Variants in ZC3H12C observed in about 807,000 individuals in gnomAD.
ZC3H12C encodes zinc finger CCCH-type containing 12C.
In ZC3H12C, 20 loss-of-function variants were observed where a neutral mutation model predicts 76.3. The ratio of observed to expected loss-of-function variants is 0.26; its 90% CI spans 0.18 to 0.38. ZC3H12C has a LOEUF of 0.38. Ranked by LOEUF, ZC3H12C falls within the 10% of genes least tolerant of loss-of-function variation. ZC3H12C has a pLI of 1.00. For synonymous variants in ZC3H12C, 352 were observed against 399.6 expected, an observed-to-expected ratio of 0.88 and a Z score of 1.42; for missense variants, 874 against 1,086.5, an observed-to-expected ratio of 0.80 and a Z score of 2.75.
intron 3 of ZC3H12C, among the ~76,000 whole-genome samples, chr11:110,157,402 AT>A (rs1381007762): frequency 6.8e-6 from 1 of 147,058 alleles, no homozygotes; most frequent in African/African-American, 2.5e-5. Context: ...CCTGAGCCAC[AT>A]TTCTTCCACT....
In ZC3H12C at chr11:110,136,887, A is replaced by G; in HGVS notation, c.246A>G (p.Glu82=). The stretch of plus-strand genomic sequence containing the variant: ...GGAAGGATGAAAAAGAGGCGTCTGA[A>G]GAGAATGCAAGCTCTGGTGACTCTG... The part of the protein sequence containing the change: ...NVGKDEKEAS[E]ENASSGDSEE... Residue 82 remains glutamate, a synonymous_variant, in exon 2 of 6, where the codon GAA becomes GAG. Coordinates refer to ENST00000278590, the MANE Select transcript of ZC3H12C (RefSeq NM_033390.2). 1 of 1,613,870 alleles carries G rather than the reference A, an allele frequency of 6.2e-7. No individual in the cohort carries two copies. Among genetic ancestry groups the G allele is most frequent in the South Asian group, 1.1e-5 (1 of 91,042 alleles).
chr11:110,137,689 T>C (rs1158445329), intron 2 of ZC3H12C, among the ~76,000 whole-genome samples: 1 of 152,208 alleles, frequency 6.6e-6, no homozygotes, highest in Non-Finnish European at 1.5e-5. Flanking sequence ...AATTAGTGTG[T>C]GTTTCTGGTT....
chr11:110,133,976 A>G (rs1177200354), intron 1 of ZC3H12C, among the ~76,000 whole-genome samples: 2 of 152,206 alleles, frequency 1.3e-5, no homozygotes, highest in Non-Finnish European at 2.9e-5. Context: ...TTCATAAGGT[A>G]TTCATCTTGT....
chr11:110,159,560 C>G (rs934036174), intron 4 of ZC3H12C, 70 bp downstream of exon 4: 8 of 1,319,776 alleles, frequency 6.1e-6, no homozygotes, highest in African/African-American at 1.5e-5. Flanking sequence ...GCAGCTGCTA[C>G]AGAATTCTCT....
chr11:110,116,841 G>T (rs777716155), intron 1 of ZC3H12C, among the ~76,000 whole-genome samples: 1 of 152,128 alleles, frequency 6.6e-6, no homozygotes, highest in African/African-American at 2.4e-5. Flanking sequence ...AACTTGTGCA[G>T]GTTGCTTGGT....
At chr11:110,151,284 G>A (rs1194469953) in intron 2 of ZC3H12C, among the ~76,000 whole-genome samples, 1 of 152,148 alleles carries the variant, frequency 6.6e-6, no homozygotes, top group Non-Finnish European at 1.5e-5. Flanking sequence ...AAATGTGACA[G>A]TTATCCTTAC....
rs1377862126 is a variant in ZC3H12C, at chr11:110,118,023, ATATATAT to A, written c.22-18632_22-18626del. 1.2e-4 allele frequency among the ~76,000 whole-genome samples: 13 copies of A among 109,300 alleles called. 1 individual carries two copies. The highest frequency in any genetic ancestry group is 3.9e-4 in the African/African-American group (12 of 30,670). The allele number at this position is 109,300 out of a possible 152,430, so 71.7% of individuals were successfully genotyped here. A position where few individuals can be genotyped will look rare whatever the true frequency, so the allele number is the denominator to read the frequency against. ...ATATATTATATATATACACACACACATATATATTATATATATATACACATATATATTA... is the reference window on the plus strand; with the variant it reads ...ATATATTATATATATACACACACACATATATATATATACACATATATATTA... On this transcript the variant is annotated intron_variant, in intron 1 of 5. Coordinates refer to ENST00000278590, the MANE Select transcript of ZC3H12C (RefSeq NM_033390.2).
chr11:110,093,588 G>T (rs1265759642), intron 1 of ZC3H12C, among the ~76,000 whole-genome samples, 156 bp downstream of exon 1: 2 of 151,722 alleles, frequency 1.3e-5, no homozygotes, highest in Non-Finnish European at 2.9e-5. Context: ...GCCCAGGCGG[G>T]TCGGGCTCCG....
chr11:110,126,213 CTTCT>C (rs1861742138), intron 1 of ZC3H12C, among the ~76,000 whole-genome samples: 2 of 47,260 alleles, frequency 4.2e-5, no homozygotes, highest in African/African-American at 1.9e-4. Flanking sequence ...TTGTTGTTTT[CTTCT>C]TTTTTTTTTT....
intron 2 of ZC3H12C, among the ~76,000 whole-genome samples, chr11:110,142,668 T>G (rs754140918): frequency 6.6e-6 from 1 of 152,222 alleles, no homozygotes; most frequent in Non-Finnish European, 1.5e-5. Context: ...TACTGCATAA[T>G]GGACTTCCAT....
rs377391499 is a variant in ZC3H12C, at chr11:110,137,039, G to T, written c.398G>T (p.Arg133Leu). 3.7e-6 allele frequency: 6 copies of T among 1,613,716 alleles called. No individual in the cohort carries two copies. The Admixed American group carries it at 5.0e-5, about 13-fold the overall frequency. Reference protein sequence around the residue: ...SPCLEPHILKRNEILQDFKPE... With the variant: ...SPCLEPHILKLNEILQDFKPE... ...TGTTTAGAGCCTCACATACTCAAGC[G>T]CAATGAAATTTTGCAAGACTTTAAA... is the stretch of plus-strand genomic sequence containing the variant. Residue 133 changes from arginine (R) to leucine (L), a missense_variant, in exon 2 of 6, where the codon CGC becomes CTC. Transcript: ENST00000278590.
Position 110,169,019 on chromosome 11 carries a change from T to C in ZC3H12C, c.*3282T>C, listed in dbSNP as rs1460908361. The C allele has an allele frequency of 2.6e-5, 4 of 152,158 alleles. No individual in the cohort carries two copies. Among genetic ancestry groups the C allele is most frequent in the African/African-American group, 9.7e-5 (4 of 41,442 alleles). 9.4% of individuals were successfully genotyped at this position (152,158 alleles called of 1,614,324 possible). A position where few individuals can be genotyped will look rare whatever the true frequency, so the allele number is the denominator to read the frequency against. ...TTCTGATGGCTAACTTTTCTCTAAT[T>C]AAACTATGTTTCTTTGAGTTGTGAA... On this transcript the variant is annotated 3_prime_UTR_variant, in exon 6 of 6. Coordinates refer to ENST00000278590, the MANE Select transcript of ZC3H12C (RefSeq NM_033390.2).
intron 4 of ZC3H12C, among the ~76,000 whole-genome samples, chr11:110,162,967 A>G (rs959962264): frequency 1.3e-5 from 2 of 152,214 alleles, no homozygotes; most frequent in African/African-American, 4.8e-5. Context: ...TGTCACTGAA[A>G]TCGTTTTCTA....
chr11:110,116,781 TATC>T (rs1489058070), intron 1 of ZC3H12C, among the ~76,000 whole-genome samples: 2 of 152,236 alleles, frequency 1.3e-5, no homozygotes, highest in Non-Finnish European at 1.5e-5. Context: ...TTAGTGGTAT[TATC>T]ATCTCCATTT....
At chr11:110,106,880 T>C (rs1861339185) in intron 1 of ZC3H12C, among the ~76,000 whole-genome samples, 1 of 152,248 alleles carries the variant, frequency 6.6e-6, no homozygotes, top group Non-Finnish European at 1.5e-5. Context: ...CAGGGTTTTT[T>C]CAGTATTTCA....
At chr11:110,119,573 A>G (rs1393580518) in intron 1 of ZC3H12C, among the ~76,000 whole-genome samples, 2 of 151,810 alleles carry the variant, frequency 1.3e-5, no homozygotes, top group Non-Finnish European at 2.9e-5. Context: ...CACCATGCAC[A>G]CTCTCATCTC....
At chr11:110,110,582 TC>T (rs1861407889) in intron 1 of ZC3H12C, among the ~76,000 whole-genome samples, 1 of 152,222 alleles carries the variant, frequency 6.6e-6, no homozygotes, top group Non-Finnish European at 1.5e-5. Context: ...TAGAGATTAT[TC>T]CACATTCTTG....
rs777655904 is a variant in ZC3H12C at position 110,165,081 on chromosome 11, C to G, written c.1996C>G (p.His666Asp). 5.3e-5 allele frequency: 86 copies of G among 1,613,592 alleles called. No individual in the cohort carries two copies. Among genetic ancestry groups the G allele is most frequent in the Non-Finnish European group, 6.9e-5 (81 of 1,179,904 alleles). Residue 666 changes from histidine (H) to aspartate (D), a missense_variant, in exon 6 of 6, where the codon CAC becomes GAC. Physicochemically the swap from His to Asp is moderately conservative, Grantham distance 81. Around this residue, in one of 3 missense-constraint regions of ZC3H12C, gnomAD observed 395 missense variants for 434.4 expected, o/e 0.91. Coordinates refer to ENST00000278590, the MANE Select transcript of ZC3H12C (RefSeq NM_033390.2). ...LEENLKCQHMHPHSRLNPQPF... is the reference protein window; with the variant it reads ...LEENLKCQHMDPHSRLNPQPF... ...GGAGAATTTGAAGTGTCAACACATG[C>G]ACCCTCACAGCCGCCTTAATCCTCA...
Position 110,167,499 on chromosome 11 carries a change from T to G in ZC3H12C, c.*1762T>G, listed in dbSNP as rs1277921161. On this transcript the variant is annotated 3_prime_UTR_variant, in exon 6 of 6. Transcript: ENST00000278590. ...ATATATTAAAACACAGTAAATAAAT[T>G]TATTGGCATTTTCTTTCTCCTAAAA... The G allele has an allele frequency of 6.6e-6, 1 of 152,110 alleles. No homozygotes were observed. Among genetic ancestry groups the G allele is most frequent in the East Asian group, 1.9e-4 (1 of 5,202 alleles). 9.4% of individuals were successfully genotyped at this position (152,110 alleles called of 1,614,324 possible).
Sources: gnomAD v4.1 joint callset for allele counts (sites outside exome capture counted in the v4.1 genomes callset) on GRCh38, gnomAD v4.1.1 for gene constraint, gnomAD v4.1.1 regional missense constraint, MANE v1.5 for transcripts, NCBI Gene and HGNC (gene_info 2026-07-23, HGNC 2026-07-21) for gene names.